IQSEC1: variants seen among roughly 807,000 people sequenced by gnomAD.
IQSEC1 encodes the protein IQ motif and Sec7 domain ArfGEF 1.
Under a neutral mutation model 91.0 loss-of-function variants are expected in IQSEC1, and 31 were observed. The ratio of observed to expected loss-of-function variants is 0.34; its 90% confidence interval spans 0.26 to 0.46. IQSEC1 has a LOEUF of 0.46. Among genes scored for constraint, IQSEC1 ranks in the 20% least tolerant of loss-of-function variants. IQSEC1 has a pLI of 1.00. For synonymous variants in IQSEC1, 699 were observed against 662.6 expected, an observed-to-expected ratio of 1.05 and a Z score of -0.84; for missense variants, 1,388 against 1,575.6, an observed-to-expected ratio of 0.88 and a Z score of 2.02.
intron 1 of IQSEC1, among the ~76,000 whole-genome samples, chr3:13,174,527 C>A (rs923132815): frequency 6.6e-6 from 1 of 152,156 alleles, no homozygotes; most frequent in East Asian, 1.9e-4. Flanking sequence ...AAACACTGGG[C>A]TGTCATGTCG....
At chr3:13,004,598 C>T (rs963113449) in intron 1 of IQSEC1, among the ~76,000 whole-genome samples, 8 of 152,164 alleles carry the variant, frequency 5.3e-5, no homozygotes, top group Non-Finnish European at 8.8e-5. Flanking sequence ...AGCTTTTGAC[C>T]GCTGGGGCCC....
chr3:13,204,705 G>A lies in IQSEC1; in HGVS notation c.273-40572C>T, dbSNP rs62234224. 9.9e-3 allele frequency among the ~76,000 whole-genome samples: 1,502 copies of A among 152,212 alleles called. 11 individuals are homozygous for A. Among genetic ancestry groups the A allele is most frequent in the South Asian group, 0.048 (231 of 4,812 alleles). On this transcript the variant is annotated intron_variant, in intron 1 of 15. Transcript: ENST00000648114. ...TCGGGTCCCTGTCCTGCGCGTTCGTGCTGTCCGTTTTCTCTATCTCTTTCT... is the reference window on the plus strand; with the variant it reads ...TCGGGTCCCTGTCCTGCGCGTTCGTACTGTCCGTTTTCTCTATCTCTTTCT...
intron 1 of IQSEC1, among the ~76,000 whole-genome samples, chr3:13,051,798 G>T (rs1704701603): frequency 1.3e-5 from 2 of 152,130 alleles, no homozygotes; most frequent in Non-Finnish European, 2.9e-5. Flanking sequence ...AAATGAGGAA[G>T]TGGTCAGTGT....
intron 1 of IQSEC1, among the ~76,000 whole-genome samples, chr3:13,035,500 A>G (rs1201234904): frequency 5.3e-5 from 8 of 152,048 alleles, no homozygotes; most frequent in Non-Finnish European, 1.0e-4. Flanking sequence ...ACCACACTTC[A>G]TTTCAACTTA....
chr3:12,958,128 C>T (rs1055715673), intron 1 of IQSEC1, among the ~76,000 whole-genome samples: 3 of 152,180 alleles, frequency 2.0e-5, no homozygotes, highest in African/African-American at 2.4e-5. Flanking sequence ...CCCTATCTAA[C>T]CATCGAGCTC....
intron 1 of IQSEC1, among the ~76,000 whole-genome samples, chr3:13,204,197 T>C (rs1377998707): frequency 1.3e-5 from 2 of 152,222 alleles, no homozygotes; most frequent in East Asian, 3.9e-4. Context: ...GGGCCCCGCG[T>C]GCAGCCTCAC....
chr3:13,142,062 G>A (rs954678179), intron 2 of IQSEC1, among the ~76,000 whole-genome samples: 1 of 152,218 alleles, frequency 6.6e-6, no homozygotes, highest in Non-Finnish European at 1.5e-5. Flanking sequence ...CCACGAAGAG[G>A]AAAGGTTTGA....
chr3:12,903,060 TTC>T (rs767490260), intron 12 of IQSEC1, among the ~76,000 whole-genome samples: 32 of 152,000 alleles, frequency 2.1e-4, no homozygotes, highest in Non-Finnish European at 3.4e-4. Flanking sequence ...AAAAAAAAAA[TTC>T]TTTTTTAAAC....
chr3:12,960,525 T>G (rs1169908700), intron 1 of IQSEC1: 1 of 152,140 alleles, frequency 6.6e-6, no homozygotes, highest in African/African-American at 2.4e-5. Context: ...AACAAGCTGC[T>G]CCCCAGCAAT....
chr3:12,963,437 C>T (rs888588996), intron 1 of IQSEC1, among the ~76,000 whole-genome samples: 1 of 152,148 alleles, frequency 6.6e-6, no homozygotes, highest in Admixed American at 6.5e-5. Context: ...ACCTCACAAA[C>T]GAGCAAAAAA....
intron 3 of IQSEC1, among the ~76,000 whole-genome samples, chr3:12,932,133 C>T (rs1320061250): frequency 1.3e-5 from 2 of 152,210 alleles, no homozygotes; most frequent in African/African-American, 4.8e-5. Context: ...GCATGTACCC[C>T]TGACGGTGTG....
chr3:13,247,164 G>A (rs1695122387), intron 1 of IQSEC1, among the ~76,000 whole-genome samples: 1 of 152,114 alleles, frequency 6.6e-6, no homozygotes, highest in Non-Finnish European at 1.5e-5. Flanking sequence ...GGGGACGGTT[G>A]CTAACTCATC....
Position 13,233,918 on chromosome 3 carries a change from G to C in IQSEC1, c.272+48793C>G, listed in dbSNP as rs966005211. On this transcript the variant is annotated intron_variant, in intron 1 of 15. Transcript: ENST00000648114. Reference sequence around the variant, plus strand: ...ACCCAGAACCCCCAAAAAGTGGGGAGGGTGAATCAAGATAAAATGTGCAAA... The same window carrying C: ...ACCCAGAACCCCCAAAAAGTGGGGACGGTGAATCAAGATAAAATGTGCAAA... Among the ~76,000 whole-genome samples, 9 of 152,328 alleles carry C rather than the reference G, an allele frequency of 5.9e-5. No individual in the cohort carries two copies. In the East Asian group the frequency reaches 1.4e-3, roughly 23 times the overall value.
At chr3:13,270,625 A>G (rs1420455761) in intron 1 of IQSEC1, among the ~76,000 whole-genome samples, 1 of 152,220 alleles carries the variant, frequency 6.6e-6, no homozygotes, top group Non-Finnish European at 1.5e-5. Context: ...AACAAGTTTT[A>G]TCATGCTCTG....
At chr3:12,941,948 T>C (rs1355518548) in intron 1 of IQSEC1, 83 bp from the exon 2 acceptor site, 1 of 1,305,682 alleles carries the variant, frequency 7.7e-7, no homozygotes, top group Non-Finnish European at 1.0e-6. Context: ...GACCCCACCA[T>C]GCTCCTGGAG....
At chr3:13,218,434 T>C (rs1694590668) in intron 1 of IQSEC1, among the ~76,000 whole-genome samples, 1 of 152,116 alleles carries the variant, frequency 6.6e-6, no homozygotes, top group South Asian at 2.1e-4. Flanking sequence ...GAATAACTCA[T>C]CTGAAAACTA....
intron 1 of IQSEC1, among the ~76,000 whole-genome samples, chr3:13,057,721 G>A (rs1704927610): frequency 6.6e-6 from 1 of 152,226 alleles, no homozygotes; most frequent in Non-Finnish European, 1.5e-5. Flanking sequence ...GGCACAGTGA[G>A]ATGATTGTCC....
At chr3:13,254,483 A>AC (rs2125120900) in intron 1 of IQSEC1, among the ~76,000 whole-genome samples, 1 of 152,132 alleles carries the variant, frequency 6.6e-6, no homozygotes, top group South Asian at 2.1e-4. Context: ...GTTGGTCCAA[A>AC]CCCCCCTGCA....
chr3:12,926,909 T>A (rs568326790), intron 3 of IQSEC1, among the ~76,000 whole-genome samples: 2 of 152,312 alleles, frequency 1.3e-5, no homozygotes, highest in South Asian at 4.1e-4. Flanking sequence ...GCCAGCTTGG[T>A]CCTGGCACAG....
Sources: gnomAD v4.1 joint callset for allele counts (sites outside exome capture counted in the v4.1 genomes callset) on GRCh38, gnomAD v4.1.1 for gene constraint, MANE v1.5 for transcripts, NCBI Gene and HGNC (gene_info 2026-07-23, HGNC 2026-07-21) for gene names.